UBE2E1: variants seen among roughly 807,000 people sequenced by gnomAD.
UBE2E1 encodes the protein ubiquitin-conjugating enzyme E2 E1.
In UBE2E1, 6 loss-of-function variants were observed where a neutral mutation model predicts 21.4. The observed-to-expected ratio is 0.28, with a 90% CI of 0.15 to 0.55. The LOEUF (loss-of-function observed/expected upper bound fraction) is 0.55. Ranked by LOEUF, UBE2E1 falls within the 20% of genes least tolerant of loss-of-function variation. UBE2E1 has a pLI of 0.93. For missense variants in UBE2E1, 142 were observed against 236.5 expected (o/e 0.60, Z 2.62); for synonymous variants, 87 against 82.7 (o/e 1.05, Z -0.28).
chr3:23,865,930 C>T (rs1344727773), intron 3 of UBE2E1, among the ~76,000 whole-genome samples: 1 of 152,150 alleles, frequency 6.6e-6, no homozygotes, highest in Admixed American at 6.5e-5. Context: ...GCTGCTGCTG[C>T]AGCATCTAGC....
chr3:23,851,487 C>A (rs754251730), intron 3 of UBE2E1, among the ~76,000 whole-genome samples: 3 of 152,008 alleles, frequency 2.0e-5, no homozygotes, highest in Non-Finnish European at 4.4e-5. Flanking sequence ...AATCTGTACA[C>A]CAGTTTGAGA....
rs72627028 is a variant in UBE2E1, at chr3:23,854,757, T to C, written c.204-32810T>C. Among the ~76,000 whole-genome samples, 545 of 152,350 alleles carry C rather than the reference T, an allele frequency of 3.6e-3. 16 individuals are homozygous for C. The East Asian group carries it at 0.049, about 14-fold the overall frequency. On this transcript the variant is annotated intron_variant, in intron 3 of 5. Coordinates refer to ENST00000306627, the MANE Select transcript of UBE2E1 (RefSeq NM_003341.5). Reference sequence around the variant, plus strand: ...CAGCTCCTTGTGGCTTTAAAGAAATTCTGTTAAATACGTAGGATTATGATA... The same window carrying C: ...CAGCTCCTTGTGGCTTTAAAGAAATCCTGTTAAATACGTAGGATTATGATA...
At chr3:23,868,261 A>G (rs1700698943) in intron 3 of UBE2E1, among the ~76,000 whole-genome samples, 1 of 152,068 alleles carries the variant, frequency 6.6e-6, no homozygotes, top group Non-Finnish European at 1.5e-5. Flanking sequence ...TTCTACTCAG[A>G]AACGCTGCTT....
chr3:23,864,375 CCT>C lies in UBE2E1; in HGVS notation c.204-23187_204-23186del, dbSNP rs140967003. On this transcript the variant is annotated intron_variant, in intron 3 of 5. Coordinates refer to ENST00000306627, the MANE Select transcript of UBE2E1 (RefSeq NM_003341.5). ...GTAAGTTTTAAGTTATTTTGGACCT[CCT>C]CTCTGTTTACCCTTTCTGGATCACT... Among the ~76,000 whole-genome samples the C allele has an allele frequency of 1.6e-4, 25 of 152,252 alleles. No homozygotes were observed. The East Asian group carries it at 4.4e-3, about 27-fold the overall frequency.
intron 3 of UBE2E1, among the ~76,000 whole-genome samples, chr3:23,845,930 A>G (rs1700194374): frequency 6.6e-6 from 1 of 152,206 alleles, no homozygotes; most frequent in African/African-American, 2.4e-5. Flanking sequence ...TTTTTTAATC[A>G]CTTAAAAATG....
At chr3:23,838,071 A>T (rs1700007414) in intron 3 of UBE2E1, among the ~76,000 whole-genome samples, 1 of 151,780 alleles carries the variant, frequency 6.6e-6, no homozygotes, top group Non-Finnish European at 1.5e-5. Flanking sequence ...TTTATTATTT[A>T]TTTTATTTTT....
At chr3:23,841,219 C>T (rs1700077938) in intron 3 of UBE2E1, among the ~76,000 whole-genome samples, 1 of 152,148 alleles carries the variant, frequency 6.6e-6, no homozygotes, top group Non-Finnish European at 1.5e-5. Flanking sequence ...TTAAGCTCGT[C>T]TTAAATGGCT....
At chr3:23,858,117 C>G (rs977608644) in intron 3 of UBE2E1, among the ~76,000 whole-genome samples, 2 of 152,138 alleles carry the variant, frequency 1.3e-5, no homozygotes, top group South Asian at 2.1e-4. Context: ...CAGGCGCTTT[C>G]CCTGCGAAGG....
chr3:23,890,736 A>G lies in UBE2E1; in HGVS notation c.*130A>G. Reference sequence around the variant, plus strand: ...TCTATAACAGATATTATTCAGTCTTATTTCCTAAGATTTTGTTGTAACTTA... The same window carrying G: ...TCTATAACAGATATTATTCAGTCTTGTTTCCTAAGATTTTGTTGTAACTTA... On this transcript the variant is annotated 3_prime_UTR_variant, in exon 6 of 6. Coordinates refer to ENST00000306627, the MANE Select transcript of UBE2E1 (RefSeq NM_003341.5). The G allele has an allele frequency of 1.3e-6, 1 of 765,302 alleles. No individual in the cohort carries two copies. Among genetic ancestry groups the G allele is most frequent in the Non-Finnish European group, 1.9e-6 (1 of 523,042 alleles). The allele number at this position is 765,302 out of a possible 1,614,324, so 47.4% of individuals were successfully genotyped here. A position where few individuals can be genotyped will look rare whatever the true frequency, so the allele number is the denominator to read the frequency against.
At chr3:23,809,683 G>A (rs1366571030) in intron 2 of UBE2E1, among the ~76,000 whole-genome samples, 1 of 152,176 alleles carries the variant, frequency 6.6e-6, no homozygotes, top group African/African-American at 2.4e-5. Context: ...ATTTTATAGT[G>A]GGAGTTGGGT....
At chr3:23,844,680 G>T (rs1443268823) in intron 3 of UBE2E1, among the ~76,000 whole-genome samples, 1 of 152,184 alleles carries the variant, frequency 6.6e-6, no homozygotes, top group Admixed American at 6.5e-5. Flanking sequence ...GAGAATTCCT[G>T]TGTCCTCTTA....
At chr3:23,890,321 C>G (rs1701361709) in intron 5 of UBE2E1, among the ~76,000 whole-genome samples, 188 bp from the exon 6 acceptor site, 1 of 152,192 alleles carries the variant, frequency 6.6e-6, no homozygotes. Context: ...TAAGCATTCC[C>G]TCTTCCCCCA....
At chr3:23,824,776 T>C (rs1217876102) in intron 3 of UBE2E1, among the ~76,000 whole-genome samples, 1 of 152,224 alleles carries the variant, frequency 6.6e-6, no homozygotes, top group East Asian at 1.9e-4. Flanking sequence ...ATTTCTGACT[T>C]TCTCCCATTC....
Position 23,807,281 on chromosome 3 carries a change from C to T in UBE2E1, c.12C>T (p.Asp4=). 1.2e-6 allele frequency: 2 copies of T among 1,612,554 alleles called. No homozygotes were observed. The highest frequency in any genetic ancestry group is 2.2e-5 in the East Asian group (1 of 44,850). ...GTGGGGGGTTCGCTATGTCGGATGA[C>T]GATTCGAGGGCCAGCACCAGCTCCT... MSD[D]DSRASTSSSS... Residue 4 remains aspartate, a synonymous_variant, in exon 2 of 6, where the codon GAC becomes GAT. Coordinates refer to ENST00000306627, the MANE Select transcript of UBE2E1 (RefSeq NM_003341.5).
intron 3 of UBE2E1, among the ~76,000 whole-genome samples, chr3:23,882,570 C>T (rs571443096): frequency 3.7e-4 from 56 of 152,348 alleles, no homozygotes; most frequent in Non-Finnish European, 6.5e-4. Flanking sequence ...GACCGGGAGC[C>T]GCGGAGCAGG....
rs1224822222 is a variant in UBE2E1 at position 23,810,362 on chromosome 3, G to A, written c.153-1098G>A. The A allele has an allele frequency of 1.0e-5, 15 of 1,431,188 alleles. No individual in the cohort carries two copies. The highest frequency in any genetic ancestry group is 1.4e-5 in the Non-Finnish European group (15 of 1,053,592). The allele number at this position is 1,431,188 out of a possible 1,614,324, so 88.7% of individuals were successfully genotyped here. On this transcript the variant is annotated intron_variant, in intron 2 of 5. Transcript: ENST00000306627. The surrounding 1 kb of genome is among the most constrained non-coding windows in gnomAD (Gnocchi z 5.8). ...GGCCAGGGCTTGGTGTGAACTGCCT[G>A]GTGGCTTCGGCCTATGAGTGGGGGA... is the stretch of plus-strand genomic sequence containing the variant.
rs907555568 is a variant in UBE2E1 at position 23,810,412 on chromosome 3, T to G, written c.153-1048T>G. The G allele has an allele frequency of 4.6e-6, 7 of 1,533,254 alleles. No homozygotes were observed. The Admixed American group carries it at 1.4e-4, about 30-fold the overall frequency. 95.0% of individuals were successfully genotyped at this position (1,533,254 alleles called of 1,614,324 possible). On this transcript the variant is annotated intron_variant, in intron 2 of 5. Coordinates refer to ENST00000306627, the MANE Select transcript of UBE2E1 (RefSeq NM_003341.5). The surrounding 1 kb of genome is among the most constrained non-coding windows in gnomAD (Gnocchi z 5.8). ...ATGGGGCCCTTTGTGAAGTCGAGGG[T>G]TGGTGCGGAGGGAGAAAACTGCAGG...
At position 23,878,950 on chromosome 3, in the gene UBE2E1, C is replaced by T. The variant is rs893387720; in HGVS notation, c.204-8617C>T. ...GAAAAATTGTCTTCCACAAAAGCAG[C>T]CCCTGGTGCAGAAAAGGTTGTGGAC... On this transcript the variant is annotated intron_variant, in intron 3 of 5. Coordinates refer to ENST00000306627, the MANE Select transcript of UBE2E1 (RefSeq NM_003341.5). 8.1e-5 allele frequency: 32 copies of T among 396,734 alleles called. 1 individual carries two copies. In the Admixed American group the frequency reaches 1.0e-3, roughly 13 times the overall value. 24.6% of individuals were successfully genotyped at this position (396,734 alleles called of 1,614,324 possible).
chr3:23,884,097 C>G (rs1701120145), intron 3 of UBE2E1, among the ~76,000 whole-genome samples: 1 of 152,020 alleles, frequency 6.6e-6, no homozygotes. Context: ...TATATTGCAC[C>G]TTTATTCTCC....
Sources: allele counts gnomAD v4.1 joint callset (sites outside exome capture counted in the v4.1 genomes callset), GRCh38; gene constraint gnomAD v4.1.1; non-coding constraint Gnocchi (gnomAD v3.1); transcripts MANE v1.5; gene names NCBI Gene and HGNC (gene_info 2026-07-23, HGNC 2026-07-21).